Variants in KCNIP4 observed in about 807,000 individuals in gnomAD.
The protein encoded by KCNIP4 is potassium voltage-gated channel interacting protein 4.
Under a neutral mutation model 34.0 loss-of-function variants are expected in KCNIP4, and 12 were observed. The observed-to-expected ratio is 0.35, with a 90% CI of 0.23 to 0.57. The LOEUF (loss-of-function observed/expected upper bound fraction) is 0.57. Among genes scored for constraint, KCNIP4 ranks in the 20% least tolerant of loss-of-function variants. The pLI, the probability that KCNIP4 is intolerant of heterozygous loss-of-function variation, is 0.83. For missense variants in KCNIP4, 238 were observed against 311.7 expected (o/e 0.76, Z 1.78); for synonymous variants, 124 against 102.2 (o/e 1.21, Z -1.29).
intron 1 of KCNIP4, among the ~76,000 whole-genome samples, chr4:21,001,015 T>G (rs761353763): frequency 6.6e-6 from 1 of 152,212 alleles, no homozygotes; most frequent in Non-Finnish European, 1.5e-5. Context: ...TTTATCTTGT[T>G]TTTCCCACTA....
chr4:20,802,093 C>T (rs1161077702), intron 3 of KCNIP4, among the ~76,000 whole-genome samples: 2 of 126,952 alleles, frequency 1.6e-5, no homozygotes, highest in Non-Finnish European at 3.2e-5. Flanking sequence ...ATTGCATATA[C>T]ATATTGCATA....
At chr4:20,870,682 T>C (rs1723356473) in intron 2 of KCNIP4, among the ~76,000 whole-genome samples, 1 of 152,144 alleles carries the variant, frequency 6.6e-6, no homozygotes, top group Admixed American at 6.5e-5. Flanking sequence ...TTGGAATTGA[T>C]AGGGGAATAA....
chr4:21,207,180 G>T (rs1756910803), intron 1 of KCNIP4, among the ~76,000 whole-genome samples: 1 of 152,086 alleles, frequency 6.6e-6, no homozygotes, highest in East Asian at 1.9e-4. Context: ...GGTACTAGGA[G>T]AAATATTATA....
intron 1 of KCNIP4, among the ~76,000 whole-genome samples, chr4:21,447,437 G>C (rs1340694552): frequency 6.6e-6 from 1 of 152,144 alleles, no homozygotes; most frequent in Non-Finnish European, 1.5e-5. Context: ...ATAAATTTCT[G>C]TTGTTTTAAG....
At chr4:21,684,521 T>A (rs1750661521) in intron 1 of KCNIP4, among the ~76,000 whole-genome samples, 1 of 152,198 alleles carries the variant, frequency 6.6e-6, no homozygotes, top group Non-Finnish European at 1.5e-5. Flanking sequence ...ATAAATAATT[T>A]AAAGAATGAG....
chr4:21,787,179 T>C (rs1269208383), intron 1 of KCNIP4, among the ~76,000 whole-genome samples: 1 of 152,264 alleles, frequency 6.6e-6, no homozygotes, highest in Non-Finnish European at 1.5e-5. Context: ...TAAATTTACC[T>C]TCAGGCTATG....
At chr4:21,734,227 T>G (rs1715820556) in intron 1 of KCNIP4, among the ~76,000 whole-genome samples, 2 of 152,298 alleles carry the variant, frequency 1.3e-5, no homozygotes, top group South Asian at 4.2e-4. Flanking sequence ...GTCTGCAATC[T>G]GTCACTTGGT....
At chr4:20,914,257 A>T (rs1400287379) in intron 1 of KCNIP4, among the ~76,000 whole-genome samples, 1 of 152,204 alleles carries the variant, frequency 6.6e-6, no homozygotes, top group Non-Finnish European at 1.5e-5. Flanking sequence ...TATTATTATG[A>T]TCGCTATAAA....
chr4:21,912,893 C>A (rs187904884), intron 1 of KCNIP4, among the ~76,000 whole-genome samples: 1 of 150,958 alleles, frequency 6.6e-6, no homozygotes, highest in Non-Finnish European at 1.5e-5. Flanking sequence ...CATTGAAATT[C>A]TTTTAGGTTG....
chr4:21,920,065 T>C (rs1728852357), intron 1 of KCNIP4, among the ~76,000 whole-genome samples: 1 of 152,224 alleles, frequency 6.6e-6, no homozygotes. Context: ...TCCTGACTTA[T>C]TTAAAGACTA....
At chr4:21,656,459 CTTTTA>C (rs1747945303) in intron 1 of KCNIP4, 1 of 152,170 alleles carries the variant, frequency 6.6e-6, no homozygotes, top group African/African-American at 2.4e-5. Flanking sequence ...CTAACAGTCT[CTTTTA>C]TTTATTTATT....
chr4:21,418,489 T>G (rs1725162681), intron 1 of KCNIP4, among the ~76,000 whole-genome samples: 1 of 140,822 alleles, frequency 7.1e-6, no homozygotes, highest in Non-Finnish European at 1.6e-5. Flanking sequence ...AAAGCAAGAC[T>G]CCATTTCAAA....
Position 21,697,316 on chromosome 4 carries a change from TAAAAAAAAAAAA to T in KCNIP4, c.61+251243_61+251254del, listed in dbSNP as rs537856921. ...ATTACCATGCTCTACTAGCCTCTAC[TAAAAAAAAAAAA>T]AAAAAAAAAAAAAGTCATTACCTGT... On this transcript the variant is annotated intron_variant, in intron 1 of 8. Transcript: ENST00000382152. 1.7e-3 allele frequency: 2,101 copies of T among 1,227,208 alleles called. 35 individuals carry two copies. The African/African-American group carries it at 0.046, about 27-fold the overall frequency. The allele number at this position is 1,227,208 out of a possible 1,614,324, so 76.0% of individuals were successfully genotyped here.
intron 3 of KCNIP4, among the ~76,000 whole-genome samples, chr4:20,803,519 TG>T (rs1714633792): frequency 7.5e-6 from 1 of 132,832 alleles, no homozygotes; most frequent in South Asian, 2.5e-4. Flanking sequence ...TAGCTGGGTG[TG>T]GTGTCATGTG....
chr4:21,901,773 A>T (rs1215109444), intron 1 of KCNIP4, among the ~76,000 whole-genome samples: 12 of 152,176 alleles, frequency 7.9e-5, no homozygotes, highest in Non-Finnish European at 2.9e-5. Flanking sequence ...TTGTTTTCAT[A>T]CAAGGGGTCA....
intron 1 of KCNIP4, among the ~76,000 whole-genome samples, chr4:21,460,786 C>T (rs188478040): frequency 6.6e-6 from 1 of 152,126 alleles, no homozygotes; most frequent in East Asian, 1.9e-4. Context: ...GTATGCATCT[C>T]CTGGGGGAGG....
chr4:20,920,687 C>T (rs1371350874), intron 1 of KCNIP4, among the ~76,000 whole-genome samples: 3 of 152,128 alleles, frequency 2.0e-5, no homozygotes, highest in Non-Finnish European at 4.4e-5. Context: ...GATCCACTTG[C>T]ATTTTAAAAA....
Position 20,976,643 on chromosome 4 carries a change from A to G in KCNIP4, c.62-93934T>C, listed in dbSNP as rs140614046. On this transcript the variant is annotated intron_variant, in intron 1 of 8. Coordinates refer to ENST00000382152, the MANE Select transcript of KCNIP4 (RefSeq NM_025221.6). ...GCCTTCTCCCTTATTATGTGAGAGA[A>G]GGAGAAAAGCACCTGTGGGCCCCTG... is the stretch of plus-strand genomic sequence containing the variant. Among the ~76,000 whole-genome samples, 931 of 152,164 alleles carry G rather than the reference A, an allele frequency of 6.1e-3. 12 individuals carry two copies. The highest frequency in any genetic ancestry group is 0.021 in the African/African-American group (883 of 41,508).
At chr4:21,526,421 T>G (rs1735980103) in intron 1 of KCNIP4, among the ~76,000 whole-genome samples, 1 of 152,136 alleles carries the variant, frequency 6.6e-6, no homozygotes, top group Non-Finnish European at 1.5e-5. Flanking sequence ...ACCTCTTTCT[T>G]TATAAATTAT....
Sources: gnomAD v4.1 joint callset for allele counts (sites outside exome capture counted in the v4.1 genomes callset) on GRCh38, gnomAD v4.1.1 for gene constraint, MANE v1.5 for transcripts, NCBI Gene and HGNC (gene_info 2026-07-23, HGNC 2026-07-21) for gene names.